RBFOX1: variants seen among roughly 807,000 people sequenced by gnomAD.
RBFOX1 encodes the protein RNA binding fox-1 homolog 1.
RBFOX1 carries 8 observed loss-of-function variants against 57.7 expected under a neutral mutation model. That is an observed-to-expected ratio of 0.14 (90% CI 0.08 to 0.25). The LOEUF (loss-of-function observed/expected upper bound fraction) is 0.25, where lower values mean the gene tolerates loss of function less well. Ranked by LOEUF, RBFOX1 falls within the 10% of genes least tolerant of loss-of-function variation. RBFOX1 has a pLI of 1.00. For missense variants in RBFOX1, 611 were observed against 548.5 expected (o/e 1.11, Z -1.14); for synonymous variants, 326 against 222.4 (o/e 1.47, Z -4.15).
intron 2 of RBFOX1, among the ~76,000 whole-genome samples, chr16:6,621,330 G>T (rs1188502307): frequency 2.0e-5 from 3 of 152,158 alleles, no homozygotes; most frequent in Non-Finnish European, 4.4e-5. Context: ...CAGGTGTGGT[G>T]GCAGGCGCCT....
chr16:6,830,796 G>C (rs1318282441), intron 3 of RBFOX1, among the ~76,000 whole-genome samples: 1 of 152,092 alleles, frequency 6.6e-6, no homozygotes. Flanking sequence ...GTAAGGGGTC[G>C]AGAGAGTCAT....
At chr16:6,920,835 C>G (rs1376874190) in intron 3 of RBFOX1, among the ~76,000 whole-genome samples, 1 of 152,160 alleles carries the variant, frequency 6.6e-6, no homozygotes, top group Non-Finnish European at 1.5e-5. Context: ...TCTTGAGATC[C>G]TTAACTTAGT....
intron 4 of RBFOX1, among the ~76,000 whole-genome samples, chr16:7,277,173 C>A (rs2095456620): frequency 6.6e-6 from 1 of 152,008 alleles, no homozygotes; most frequent in Non-Finnish European, 1.5e-5. Flanking sequence ...TTAAGAAATG[C>A]AATTAACCGA....
intron 3 of RBFOX1, among the ~76,000 whole-genome samples, chr16:6,798,980 A>C (rs2084737243): frequency 2.0e-5 from 3 of 152,028 alleles, no homozygotes; most frequent in Non-Finnish European, 4.4e-5. Context: ...GTAGGAGGGG[A>C]GTCTTTTAGG....
chr16:6,861,301 C>G (rs1239074603), intron 3 of RBFOX1, among the ~76,000 whole-genome samples: 1 of 152,094 alleles, frequency 6.6e-6, no homozygotes, highest in Admixed American at 6.5e-5. Context: ...AAAACAAGGT[C>G]CCTTTCGAGT....
At chr16:6,261,466 C>G (rs2097701067) in intron 1 of RBFOX1, among the ~76,000 whole-genome samples, 2 of 152,160 alleles carry the variant, frequency 1.3e-5, no homozygotes, top group Non-Finnish European at 2.9e-5. Context: ...TTTAGTGGCT[C>G]AGACATGCCC....
chr16:5,929,645 A>G (rs1276771767), intron 4 of RBFOX1, among the ~76,000 whole-genome samples: 1 of 152,232 alleles, frequency 6.6e-6, no homozygotes, highest in East Asian at 1.9e-4. Context: ...GAAAGACTTC[A>G]TAGTGTTTAA....
chr16:5,763,828 A>C (rs2151652620), intron 3 of RBFOX1, among the ~76,000 whole-genome samples: 1 of 151,788 alleles, frequency 6.6e-6, no homozygotes, highest in South Asian at 2.1e-4. Flanking sequence ...CTGAGCTTAC[A>C]CTCCTCTGAA....
intron 2 of RBFOX1, among the ~76,000 whole-genome samples, chr16:6,484,402 A>C (rs970892087): frequency 4.6e-5 from 7 of 152,232 alleles, no homozygotes; most frequent in Non-Finnish European, 7.3e-5. Flanking sequence ...TGGAAGAGAG[A>C]TTAAATTGAC....
intron 3 of RBFOX1, among the ~76,000 whole-genome samples, chr16:5,738,284 G>GTC (rs1491018466): frequency 7.3e-6 from 1 of 137,598 alleles, no homozygotes; most frequent in African/African-American, 2.6e-5. Context: ...AGTATTTAAC[G>GTC]TCTCTATGTG....
At chr16:5,663,697 G>A (rs967077100) in intron 3 of RBFOX1, among the ~76,000 whole-genome samples, 4 of 152,166 alleles carry the variant, frequency 2.6e-5, no homozygotes, top group Non-Finnish European at 5.9e-5. Flanking sequence ...CAGGAATCAC[G>A]TCATGTAGAG....
chr16:6,837,733 T>A (rs1228458160), intron 3 of RBFOX1, among the ~76,000 whole-genome samples: 1 of 152,218 alleles, frequency 6.6e-6, no homozygotes, highest in African/African-American at 2.4e-5. Context: ...TAAACATTAG[T>A]TATCTTTAAA....
intron 2 of RBFOX1, among the ~76,000 whole-genome samples, chr16:6,478,249 GTC>G (rs985026255): frequency 7.1e-6 from 1 of 140,508 alleles, no homozygotes; most frequent in African/African-American, 2.7e-5. Context: ...TTGAGACGGA[GTC>G]TCTAGCTGTC....
At chr16:7,147,529 C>G (rs542971697) in intron 4 of RBFOX1, among the ~76,000 whole-genome samples, 1 of 152,200 alleles carries the variant, frequency 6.6e-6, no homozygotes, top group South Asian at 2.1e-4. Flanking sequence ...TCCATGTGTA[C>G]TCAATGGTTA....
chr16:5,675,211 TACTC>T (rs2050128732), intron 3 of RBFOX1, among the ~76,000 whole-genome samples: 2 of 151,438 alleles, frequency 1.3e-5, no homozygotes, highest in South Asian at 4.2e-4. Context: ...CACATGCATG[TACTC>T]ACGCACACAC....
chr16:7,108,468 A>G (rs17559493), intron 4 of RBFOX1, among the ~76,000 whole-genome samples: 15,781 of 152,218 alleles, frequency 0.1, 1,031 homozygotes, highest in Middle Eastern at 0.15. Flanking sequence ...CCATTCATTG[A>G]TCTGGTAAAC....
intron 3 of RBFOX1, among the ~76,000 whole-genome samples, chr16:6,928,527 T>C (rs2076007655): frequency 6.6e-6 from 1 of 152,116 alleles, no homozygotes; most frequent in South Asian, 2.1e-4. Flanking sequence ...TTGTCTTCTC[T>C]AATCGTTTTA....
At chr16:7,076,531 T>G (rs1381788343) in intron 4 of RBFOX1, among the ~76,000 whole-genome samples, 1 of 152,174 alleles carries the variant, frequency 6.6e-6, no homozygotes, top group African/African-American at 2.4e-5. Context: ...GCCATATCCC[T>G]TCTCACTTGA....
chr16:6,522,989 T>G (rs2096529356), intron 2 of RBFOX1, among the ~76,000 whole-genome samples: 1 of 152,174 alleles, frequency 6.6e-6, no homozygotes. Context: ...TTCTTATCTT[T>G]TAGGCATCAA....
Sources: gnomAD v4.1 joint callset for allele counts (sites outside exome capture counted in the v4.1 genomes callset) on GRCh38, gnomAD v4.1.1 for gene constraint, MANE v1.5 for transcripts, NCBI Gene and HGNC (gene_info 2026-07-23, HGNC 2026-07-21) for gene names.